Variants in TENM4 observed in about 807,000 individuals in gnomAD.
TENM4 encodes the protein teneurin transmembrane protein 4.
TENM4 carries 82 observed loss-of-function variants against 243.3 expected under a neutral mutation model. That is an observed-to-expected ratio of 0.34 (90% CI 0.28 to 0.40). TENM4 has a LOEUF of 0.40. Among genes scored for constraint, TENM4 ranks in the 10% least tolerant of loss-of-function variants. The pLI, the probability that TENM4 is intolerant of heterozygous loss-of-function variation, is 1.00. For missense variants in TENM4, 3,138 were observed against 3,673.3 expected (o/e 0.85, Z 3.77); for synonymous variants, 1,412 against 1,456.3 (o/e 0.97, Z 0.69).
At chr11:79,140,028 C>T (rs1175652477) in intron 4 of TENM4, among the ~76,000 whole-genome samples, 1 of 151,300 alleles carries the variant, frequency 6.6e-6, no homozygotes, top group African/African-American at 2.4e-5. Flanking sequence ...CAGGCATGGT[C>T]TCTTATTCAC....
intron 6 of TENM4, among the ~76,000 whole-genome samples, chr11:78,922,735 T>C (rs952272266): frequency 3.3e-4 from 50 of 152,134 alleles, no homozygotes; most frequent in African/African-American, 1.2e-3. Context: ...ACCTGTGACA[T>C]ATCAGGAAAG....
chr11:79,035,116 G>A (rs573089209), intron 6 of TENM4, among the ~76,000 whole-genome samples: 61 of 152,098 alleles, frequency 4.0e-4, no homozygotes, highest in Non-Finnish European at 7.3e-4. Flanking sequence ...CTGCTGTTCT[G>A]AGCCAAGCAG....
intron 12 of TENM4, among the ~76,000 whole-genome samples, chr11:78,847,223 T>C (rs1197140939): frequency 6.6e-6 from 1 of 152,232 alleles, no homozygotes; most frequent in African/African-American, 2.4e-5. Context: ...GTATACCAAA[T>C]GCCTTGCTAA....
intron 3 of TENM4, among the ~76,000 whole-genome samples, chr11:79,155,791 C>T (rs1235021948): frequency 6.7e-6 from 1 of 149,534 alleles, no homozygotes. Flanking sequence ...CATTCCCACT[C>T]TAAGAGTATC....
chr11:79,296,505 A>C (rs1263711650), intron 2 of TENM4, among the ~76,000 whole-genome samples: 1 of 152,220 alleles, frequency 6.6e-6, no homozygotes, highest in Non-Finnish European at 1.5e-5. Flanking sequence ...AGAATCAGCT[A>C]GATGCAGAAA....
chr11:78,699,913 C>T lies in TENM4; in HGVS notation c.5087+1613G>A, dbSNP rs376887926. Among the ~76,000 whole-genome samples the T allele has an allele frequency of 5.3e-5, 8 of 152,156 alleles. No individual in the cohort carries two copies. In the East Asian group the frequency reaches 7.7e-4, roughly 15 times the overall value. On this transcript the variant is annotated intron_variant, in intron 28 of 33. Coordinates refer to ENST00000278550, the MANE Select transcript of TENM4 (RefSeq NM_001098816.3). ...TAAATAATGTATAAGAGATTTCCATCGGGCAATGGGCAAAATGGAATTATT... is the reference window on the plus strand; with the variant it reads ...TAAATAATGTATAAGAGATTTCCATTGGGCAATGGGCAAAATGGAATTATT...
Position 79,428,461 on chromosome 11 carries a change from T to C in TENM4, c.-321+12048A>G, listed in dbSNP as rs1489335730. Among the ~76,000 whole-genome samples the C allele has an allele frequency of 2.0e-5, 3 of 152,224 alleles. No homozygotes were observed. In the East Asian group the frequency reaches 5.8e-4, roughly 29 times the overall value. On this transcript the variant is annotated intron_variant, in intron 1 of 33. Transcript: ENST00000278550. The stretch of plus-strand genomic sequence containing the variant: ...ATCATCTGATAAGCATTTTATAGGA[T>C]GTGGACAGAAATCAAGCATTCTCTC...
At chr11:79,295,045 C>T (rs994740604) in intron 2 of TENM4, among the ~76,000 whole-genome samples, 6 of 152,194 alleles carry the variant, frequency 3.9e-5, no homozygotes, top group Non-Finnish European at 7.3e-5. Context: ...GGAGCCCATA[C>T]CCCAGGGAGT....
intron 10 of TENM4, among the ~76,000 whole-genome samples, chr11:78,858,553 T>C (rs914975187): frequency 2.6e-5 from 4 of 152,244 alleles, no homozygotes; most frequent in East Asian, 1.9e-4. Context: ...GGGCTGAGGG[T>C]TGGGAAAGTG....
intron 3 of TENM4, among the ~76,000 whole-genome samples, chr11:79,154,174 G>A (rs898271814): frequency 6.6e-6 from 1 of 151,972 alleles, no homozygotes. Context: ...TCATGGTTCT[G>A]CAGGCTGTAC....
At chr11:79,149,665 C>G (rs752655516) in intron 3 of TENM4, among the ~76,000 whole-genome samples, 15 of 152,084 alleles carry the variant, frequency 9.9e-5, no homozygotes, top group Non-Finnish European at 1.9e-4. Flanking sequence ...ATTTTACGGC[C>G]TAGGATACAG....
At chr11:79,074,008 C>T (rs1463473348) in intron 4 of TENM4, among the ~76,000 whole-genome samples, 2 of 151,994 alleles carry the variant, frequency 1.3e-5, no homozygotes, top group Admixed American at 1.3e-4. Context: ...TCAGTGTGTG[C>T]CTGTTGACTG....
rs144088445 is a variant in TENM4 at position 78,907,945 on chromosome 11, G to T, written c.494-4422C>A. Among the ~76,000 whole-genome samples, 342 of 152,294 alleles carry T rather than the reference G, an allele frequency of 2.2e-3. 2 individuals carry two copies. Among genetic ancestry groups the T allele is most frequent in the African/African-American group, 7.4e-3 (309 of 41,546 alleles). On this transcript the variant is annotated intron_variant, in intron 6 of 33. Transcript: ENST00000278550. ...TTTGTGCACACCACTGCCAGTAAAG[G>T]TCACTTGCTTACCTGAGTTTTGCAA...
intron 3 of TENM4, among the ~76,000 whole-genome samples, chr11:79,191,208 G>A: frequency 9.4e-6 from 1 of 106,628 alleles, no homozygotes; most frequent in African/African-American, 3.7e-5. Flanking sequence ...TGCCATCTCG[G>A]CTCGCTGCAG....
chr11:78,763,173 A>G (rs1414903086), intron 18 of TENM4, among the ~76,000 whole-genome samples: 1 of 152,134 alleles, frequency 6.6e-6, no homozygotes, highest in Non-Finnish European at 1.5e-5. Context: ...TTTCTGTAAA[A>G]CCCTCCTAAA....
chr11:79,278,932 C>T (rs953781031), intron 2 of TENM4, among the ~76,000 whole-genome samples: 4 of 152,186 alleles, frequency 2.6e-5, no homozygotes, highest in African/African-American at 7.2e-5. Context: ...CTCACAGGCA[C>T]GGCCACGTGT....
intron 2 of TENM4, among the ~76,000 whole-genome samples, chr11:79,258,261 A>T (rs1022430811): frequency 6.6e-6 from 1 of 152,228 alleles, no homozygotes; most frequent in African/African-American, 2.4e-5. Context: ...GGAGACAACT[A>T]CATCTACATT....
At chr11:79,269,322 A>G (rs1476808184) in intron 2 of TENM4, among the ~76,000 whole-genome samples, 1 of 152,242 alleles carries the variant, frequency 6.6e-6, no homozygotes, top group Non-Finnish European at 1.5e-5. Flanking sequence ...ATTATTTAAC[A>G]AGAGTGCTGT....
intron 1 of TENM4, among the ~76,000 whole-genome samples, chr11:79,340,424 A>G (rs1857222667): frequency 6.6e-6 from 1 of 152,098 alleles, no homozygotes; most frequent in Non-Finnish European, 1.5e-5. Flanking sequence ...CCAGCTCTTG[A>G]TGGCCAGACA....
Sources: allele counts gnomAD v4.1 joint callset (sites outside exome capture counted in the v4.1 genomes callset), GRCh38; gene constraint gnomAD v4.1.1; transcripts MANE v1.5; gene names NCBI Gene and HGNC (gene_info 2026-07-23, HGNC 2026-07-21).